Variants in UGP2 observed in about 807,000 individuals in gnomAD.
UGP2 encodes the protein UDP-glucose pyrophosphorylase 2.
A neutral mutation model predicts 49.0 loss-of-function variants in UGP2; 40 were observed. The observed-to-expected ratio is 0.82, with a 90% CI of 0.63 to 1.06. UGP2 has a LOEUF of 1.06. Ranked by LOEUF, UGP2 falls within the 50% of genes least tolerant of loss-of-function variation. The probability of loss-of-function intolerance (pLI) is 0.00; values close to 1 mark genes in which losing one functional copy is unlikely to be tolerated. For missense variants in UGP2, 460 were observed against 603.5 expected, an observed-to-expected ratio of 0.76 and a Z score of 2.49; for synonymous variants, 225 against 213.0, an observed-to-expected ratio of 1.06 and a Z score of -0.49.
chr2:63,878,098 G>A (rs147452857), intron 3 of UGP2, among the ~76,000 whole-genome samples: 8 of 148,550 alleles, frequency 5.4e-5, no homozygotes, highest in African/African-American at 2.0e-4. Context: ...ACTGTTGTTA[G>A]TAAGTCCTGC....
intron 1 of UGP2, among the ~76,000 whole-genome samples, chr2:63,847,598 G>C (rs1672019237): frequency 6.6e-6 from 1 of 152,170 alleles, no homozygotes. Context: ...CCATTTTATA[G>C]GATTTGGGTA....
In UGP2 at chr2:63,890,109, G is replaced by GTATACCAGA; in HGVS notation, c.1347_1355dup (p.Ile449_Asp451dup). The GTATACCAGA allele has an allele frequency of 1.2e-6, 2 of 1,610,714 alleles. No homozygotes were observed. The highest frequency in any genetic ancestry group is 1.7e-6 in the Non-Finnish European group (2 of 1,179,022). On this transcript the variant is annotated inframe_insertion, in exon 9 of 10. Transcript: ENST00000337130. ...CAAGATTATCTAAGAAGATTTGAAA[G>GTATACCAGA]TATACCAGATATGCTTGAATTGGAT...
chr2:63,864,301 GTAGA>G (rs1670033610), intron 3 of UGP2, among the ~76,000 whole-genome samples: 1 of 152,204 alleles, frequency 6.6e-6, no homozygotes, highest in South Asian at 2.1e-4. Context: ...TGAACCAGGT[GTAGA>G]TAGTCAGGCC....
Position 63,885,601 on chromosome 2 carries a change from T to TC in UGP2, c.588_589insC (p.Asn197GlnfsTer2). Reference sequence around the variant, plus strand: ...TTTTTTTTTAAAGGTACCCGAGGATTAATAAAGAATCTTTACTTCCTGTAG... The same window carrying TC: ...TTTTTTTTTAAAGGTACCCGAGGATTCAATAAAGAATCTTTACTTCCTGTAG... On this transcript the variant is annotated frameshift_variant, in exon 6 of 10. Coordinates refer to ENST00000337130, the MANE Select transcript of UGP2 (RefSeq NM_006759.4). LOFTEE classifies it high-confidence loss of function. 1.3e-6 allele frequency: 2 copies of TC among 1,557,572 alleles called. No homozygotes were observed. Among genetic ancestry groups the TC allele is most frequent in the Non-Finnish European group, 1.7e-6 (2 of 1,158,720 alleles).
intron 1 of UGP2, among the ~76,000 whole-genome samples, chr2:63,844,773 G>A (rs531966236): frequency 2.0e-4 from 30 of 152,226 alleles, no homozygotes; most frequent in Middle Eastern, 3.4e-3. Flanking sequence ...TGTTTCTCAG[G>A]CTGGTCTCAA....
chr2:63,850,699 A>G (rs913441392), intron 1 of UGP2, among the ~76,000 whole-genome samples: 5 of 152,204 alleles, frequency 3.3e-5, no homozygotes, highest in Non-Finnish European at 7.3e-5. Flanking sequence ...CTAATAAATC[A>G]GCCTCTGCTT....
chr2:63,873,019 T>C (rs559187943), intron 3 of UGP2, among the ~76,000 whole-genome samples: 2 of 152,290 alleles, frequency 1.3e-5, no homozygotes, highest in African/African-American at 4.8e-5. Context: ...TCCAGGATGG[T>C]GCAATCCTGT....
chr2:63,856,621 T>G (rs753869612), intron 2 of UGP2, 188 bp downstream of exon 2: 7 of 636,732 alleles, frequency 1.1e-5, no homozygotes, highest in South Asian at 3.8e-5. Flanking sequence ...TGTAAATCCA[T>G]TATCTTTTTT....
chr2:63,883,231 C>G (rs1671432569), intron 4 of UGP2: 1 of 152,170 alleles, frequency 6.6e-6, no homozygotes, highest in Non-Finnish European at 1.5e-5. Context: ...ATTCTGAGCT[C>G]TTTATATGAA....
In UGP2 at chr2:63,856,431, G is replaced by A. The variant is rs1382703962; in HGVS notation, c.145G>A (p.Glu49Lys). 3.7e-6 allele frequency: 6 copies of A among 1,610,408 alleles called. No individual in the cohort carries two copies. The highest frequency in any genetic ancestry group is 4.2e-6 in the Non-Finnish European group (5 of 1,179,812). Residue 49 changes from glutamate (E) to lysine (K), a missense_variant and splice_region_variant, in exon 2 of 10, where the codon GAG becomes AAG. Physicochemically the swap from Glu to Lys is moderately conservative, Grantham distance 56. Around this residue, in one of 2 missense-constraint regions of UGP2, gnomAD observed 143 missense variants for 130.4 expected, o/e 1.10. Transcript: ENST00000337130. ...ILTTASSHEFEHTKKDLDGFR... is the reference protein window; with the variant it reads ...ILTTASSHEFKHTKKDLDGFR... ...CACCACAGCATCATCACATGAATTT[G>A]AGGTAAGGAGGTTTCTACAGTGTTC...
chr2:63,877,650 T>G (rs915328493), intron 3 of UGP2, among the ~76,000 whole-genome samples: 1 of 152,182 alleles, frequency 6.6e-6, no homozygotes, highest in Non-Finnish European at 1.5e-5. Context: ...AATTTTTACA[T>G]TTTCTCTAGA....
chr2:63,854,645 T>G (rs569417427), intron 1 of UGP2, among the ~76,000 whole-genome samples: 2 of 152,338 alleles, frequency 1.3e-5, no homozygotes, highest in South Asian at 4.1e-4. Context: ...TTCTTGAATA[T>G]TTTTTATTCG....
intron 1 of UGP2, among the ~76,000 whole-genome samples, chr2:63,851,539 T>C (rs1262627006): frequency 6.6e-6 from 1 of 152,190 alleles, no homozygotes; most frequent in Non-Finnish European, 1.5e-5. Context: ...CTTTGGGGAT[T>C]GAGAGATCAG....
chr2:63,848,098 T>G (rs1284098454), intron 1 of UGP2, among the ~76,000 whole-genome samples: 2 of 152,164 alleles, frequency 1.3e-5, no homozygotes, highest in South Asian at 2.1e-4. Flanking sequence ...TATGAATAAA[T>G]TAGTAGGGCA....
At chr2:63,877,767 G>A (rs1671003647) in intron 3 of UGP2, among the ~76,000 whole-genome samples, 1 of 152,022 alleles carries the variant, frequency 6.6e-6, no homozygotes, top group Non-Finnish European at 1.5e-5. Context: ...GCCGAGGCGG[G>A]TGGATCATGA....
rs367681565 is a variant in UGP2, at chr2:63,859,824, G to A, written c.255+1888G>A. ...AGAAAATGTATTTGCAATCCCATAT[G>A]CCCTTAATCTTGAAAATTTTGGAAT... On this transcript the variant is annotated intron_variant, in intron 3 of 9. Coordinates refer to ENST00000337130, the MANE Select transcript of UGP2 (RefSeq NM_006759.4). Among the ~76,000 whole-genome samples, 35 of 152,278 alleles carry A rather than the reference G, an allele frequency of 2.3e-4. No individual in the cohort carries two copies. The East Asian group carries it at 6.8e-3, about 29-fold the overall frequency.
chr2:63,874,521 G>A (rs773942783), intron 3 of UGP2, among the ~76,000 whole-genome samples: 3 of 152,180 alleles, frequency 2.0e-5, no homozygotes, highest in Non-Finnish European at 4.4e-5. Context: ...CAGGCAGAAA[G>A]AGGAGGAAAA....
chr2:63,879,873 G>GT (rs1372636865), intron 3 of UGP2, among the ~76,000 whole-genome samples: 1 of 152,064 alleles, frequency 6.6e-6, no homozygotes, highest in Non-Finnish European at 1.5e-5. Flanking sequence ...ACATAAATAG[G>GT]TAAGACTGTC....
At chr2:63,860,975 G>A (rs1307722566) in intron 3 of UGP2, among the ~76,000 whole-genome samples, 1 of 151,936 alleles carries the variant, frequency 6.6e-6, no homozygotes, top group African/African-American at 2.4e-5. Context: ...TGTGTTGAAT[G>A]CTTTGTTTTA....
Sources: gnomAD v4.1 joint callset for allele counts (sites outside exome capture counted in the v4.1 genomes callset) on GRCh38, gnomAD v4.1.1 for gene constraint, gnomAD v4.1.1 regional missense constraint, MANE v1.5 for transcripts, NCBI Gene and HGNC (gene_info 2026-07-23, HGNC 2026-07-21) for gene names.